Variants in CACNG5 observed in about 807,000 individuals in gnomAD.
The protein encoded by CACNG5 is calcium voltage-gated channel auxiliary subunit gamma 5.
Under a neutral mutation model 24.8 loss-of-function variants are expected in CACNG5, and 18 were observed. That is an observed-to-expected ratio of 0.73 (90% confidence interval 0.50 to 1.08). The LOEUF is 1.08. CACNG5 is among the 50% of genes least tolerant of loss of function. The probability of loss-of-function intolerance (pLI) is 0.00; values close to 1 mark genes in which losing one functional copy is unlikely to be tolerated. For missense variants in CACNG5, 349 were observed against 367.9 expected, an observed-to-expected ratio of 0.95 and a Z score of 0.42; for synonymous variants, 157 against 149.1, an observed-to-expected ratio of 1.05 and a Z score of -0.39.
In CACNG5 at chr17:66,855,389, C is replaced by T. The variant is rs1265191334; in HGVS notation, c.-104+20139C>T. On this transcript the variant is annotated intron_variant, in intron 1 of 5. Transcript: ENST00000533854. ...AGGCTCTTCAGGTCTCTGGGCCGCA[C>T]CACCATGTTCAACCGACAGGGGGCG... Among the ~76,000 whole-genome samples the T allele has an allele frequency of 2.0e-4, 30 of 152,234 alleles. 1 individual carries two copies. The highest frequency in any genetic ancestry group is 2.0e-3 in the Admixed American group (30 of 15,290).
chr17:66,850,959 T>C (rs1183256154), intron 1 of CACNG5, among the ~76,000 whole-genome samples: 1 of 152,142 alleles, frequency 6.6e-6, no homozygotes, highest in Non-Finnish European at 1.5e-5. Flanking sequence ...TGGATCCAGA[T>C]ATGTGCCATC....
rs954464713 is a variant in CACNG5 at position 66,835,143 on chromosome 17, T to C, written c.-211T>C. 6.6e-6 allele frequency: 1 copy of C among 152,108 alleles called. No homozygotes were observed. Among genetic ancestry groups the C allele is most frequent in the Admixed American group, 6.5e-5 (1 of 15,270 alleles). 9.4% of individuals were successfully genotyped at this position (152,108 alleles called of 1,614,324 possible). ...TTGGCGCCGAGCGGTTCCGGCTGAC[T>C]GGACGGGGCGGGCGTCCCGGGCAGC... On this transcript the variant is annotated 5_prime_UTR_variant, in exon 1 of 6. Coordinates refer to ENST00000533854, the MANE Select transcript of CACNG5 (RefSeq NM_145811.3).
rs1977373164 is a variant in CACNG5 at position 66,893,618 on chromosome 17, G to A, written c.*8378G>A. Among the ~76,000 whole-genome samples the A allele has an allele frequency of 2.0e-5, 3 of 152,190 alleles. No individual in the cohort carries two copies. Among genetic ancestry groups the A allele is most frequent in the South Asian group, 4.1e-4 (2 of 4,828 alleles). ...CTGGAGGAATTGGGCTCAGATCCTA[G>A]AGATGAGCTCATGTCAGACTCTGGC... is the stretch of plus-strand genomic sequence containing the variant. On this transcript the variant is annotated 3_prime_UTR_variant, in exon 6 of 6. Coordinates refer to ENST00000533854, the MANE Select transcript of CACNG5 (RefSeq NM_145811.3).
In CACNG5 at chr17:66,893,751, C is replaced by G. The variant is rs1302368719; in HGVS notation, c.*8511C>G. On this transcript the variant is annotated 3_prime_UTR_variant, in exon 6 of 6. Coordinates refer to ENST00000533854, the MANE Select transcript of CACNG5 (RefSeq NM_145811.3). ...CCCCCCCAACCCGGCATTCTGAAGC[C>G]CTTCAGCTGGAGAGGAGGAAGAGAT... is the stretch of plus-strand genomic sequence containing the variant. Among the ~76,000 whole-genome samples the G allele has an allele frequency of 6.6e-6, 1 of 151,804 alleles. No homozygotes were observed. Among genetic ancestry groups the G allele is most frequent in the African/African-American group, 2.4e-5 (1 of 41,296 alleles).
rs1311750535 is a variant in CACNG5, at chr17:66,893,422, G to C, written c.*8182G>C. On this transcript the variant is annotated 3_prime_UTR_variant, in exon 6 of 6. Coordinates refer to ENST00000533854, the MANE Select transcript of CACNG5 (RefSeq NM_145811.3). ...TGGAAATGGCTCCAGGAAAACTCTGGATTTTCCTAACTGTGGTCAGCCCGT... is the reference window on the plus strand; with the variant it reads ...TGGAAATGGCTCCAGGAAAACTCTGCATTTTCCTAACTGTGGTCAGCCCGT... Among the ~76,000 whole-genome samples the C allele has an allele frequency of 6.6e-6, 1 of 152,174 alleles. No individual in the cohort carries two copies. Among genetic ancestry groups the C allele is most frequent in the Non-Finnish European group, 1.5e-5 (1 of 68,044 alleles).
At chr17:66,881,165 G>C (rs1239602366) in intron 4 of CACNG5, among the ~76,000 whole-genome samples, 1 of 152,160 alleles carries the variant, frequency 6.6e-6, no homozygotes, top group East Asian at 1.9e-4. Context: ...AGGACCCTGG[G>C]CCCATTATTA....
intron 1 of CACNG5, among the ~76,000 whole-genome samples, chr17:66,876,313 C>T (rs1179191381): frequency 6.6e-6 from 1 of 152,216 alleles, no homozygotes; most frequent in Non-Finnish European, 1.5e-5. Context: ...TTTTTAGACA[C>T]TTCCTAGGTG....
At chr17:66,857,017 T>G (rs1361026099) in intron 1 of CACNG5, among the ~76,000 whole-genome samples, 1 of 151,868 alleles carries the variant, frequency 6.6e-6, no homozygotes, top group Non-Finnish European at 1.5e-5. Context: ...ACAAATAAAC[T>G]TATCAATAGA....
At chr17:66,870,682 T>C (rs959938095) in intron 1 of CACNG5, among the ~76,000 whole-genome samples, 29 of 152,072 alleles carry the variant, frequency 1.9e-4, no homozygotes, top group South Asian at 4.1e-4. Context: ...TGACCCAGCC[T>C]CAGAAGTCAC....
intron 4 of CACNG5, among the ~76,000 whole-genome samples, chr17:66,882,463 G>C (rs1387495589): frequency 3.9e-5 from 6 of 152,130 alleles, no homozygotes; most frequent in Admixed American, 3.9e-4. Context: ...CCTAGGGAGT[G>C]GGAGAGGAAT....
chr17:66,878,698 T>C (rs957267736), intron 2 of CACNG5, among the ~76,000 whole-genome samples: 1 of 152,138 alleles, frequency 6.6e-6, no homozygotes, highest in African/African-American at 2.4e-5. Flanking sequence ...CATGGAGAGT[T>C]TGCAATACCA....
Position 66,889,175 on chromosome 17 carries a change from G to A in CACNG5, c.*3935G>A, listed in dbSNP as rs1046450279. ...GGGGTTTCCCCATGTTGGCCACGTT[G>A]GTCTTGAACTCCTGACCTCAAGTGA... On this transcript the variant is annotated 3_prime_UTR_variant, in exon 6 of 6. Transcript: ENST00000533854. Among the ~76,000 whole-genome samples the A allele has an allele frequency of 6.6e-6, 1 of 152,162 alleles. No homozygotes were observed. Among genetic ancestry groups the A allele is most frequent in the African/African-American group, 2.4e-5 (1 of 41,448 alleles).
rs767478698 is a variant in CACNG5, at chr17:66,880,669, T to C, written c.396T>C (p.Phe132=). The change falls in exon 4 of 6, where the codon TTT becomes TTC. Residue 132 remains phenylalanine, a synonymous_variant. Coordinates refer to ENST00000533854, the MANE Select transcript of CACNG5 (RefSeq NM_145811.3). The part of the protein sequence containing the change: ...HIRPHRTILA[F]VSGIFFILSG... ...GTCCCCACCGGACGATACTGGCCTT[T>C]GTCTCTGGCATCTTCTTTATCCTCT... 27 of 1,614,104 alleles carry C rather than the reference T, an allele frequency of 1.7e-5. No homozygotes were observed. In the South Asian group the frequency reaches 2.9e-4, roughly 17 times the overall value.
intron 1 of CACNG5, among the ~76,000 whole-genome samples, chr17:66,860,738 T>C (rs1976842692): frequency 6.6e-6 from 1 of 152,192 alleles, no homozygotes; most frequent in African/African-American, 2.4e-5. Context: ...AAGATAATTA[T>C]GTAGATCAAG....
intron 2 of CACNG5, among the ~76,000 whole-genome samples, chr17:66,878,356 C>G (rs1335245717): frequency 6.6e-6 from 1 of 152,220 alleles, no homozygotes; most frequent in Non-Finnish European, 1.5e-5. Flanking sequence ...GTTTGGCTCT[C>G]CCAGCCTTTT....
At chr17:66,839,553 G>A (rs1215009904) in intron 1 of CACNG5, among the ~76,000 whole-genome samples, 2 of 151,904 alleles carry the variant, frequency 1.3e-5, no homozygotes, top group Non-Finnish European at 2.9e-5. Context: ...CCCCAGGAAG[G>A]GCCTCACTGC....
Position 66,891,800 on chromosome 17 carries a change from T to C in CACNG5, c.*6560T>C, listed in dbSNP as rs531867383. Among the ~76,000 whole-genome samples the C allele has an allele frequency of 1.4e-4, 22 of 152,288 alleles. No homozygotes were observed. The South Asian group carries it at 4.4e-3, about 30-fold the overall frequency. On this transcript the variant is annotated 3_prime_UTR_variant, in exon 6 of 6. Transcript: ENST00000533854. The stretch of plus-strand genomic sequence containing the variant: ...TAGCAACCACCTTTGAGAAACACGA[T>C]CTGCTGTACCATGACTGGCTTTGAC...
intron 1 of CACNG5, among the ~76,000 whole-genome samples, chr17:66,837,711 G>A (rs58422806): frequency 0.015 from 2,311 of 152,278 alleles, 65 homozygotes; most frequent in African/African-American, 0.053. Flanking sequence ...GAAGCTTTCA[G>A]GGCCTTGGAG....
At position 66,886,506 on chromosome 17, in the gene CACNG5, GC is replaced by G. The variant is rs974916102; in HGVS notation, c.*1272del. Among the ~76,000 whole-genome samples, 56 of 152,152 alleles carry G rather than the reference GC, an allele frequency of 3.7e-4. 1 individual carries two copies. Among genetic ancestry groups the G allele is most frequent in the Non-Finnish European group, 2.6e-4 (18 of 68,034 alleles). The stretch of plus-strand genomic sequence containing the variant: ...GTCCACAGAAGCCACTGCAAGCCAT[GC>G]CCCCCTTCAGCTCTCCAAGTGTCAG... On this transcript the variant is annotated 3_prime_UTR_variant, in exon 6 of 6. Coordinates refer to ENST00000533854, the MANE Select transcript of CACNG5 (RefSeq NM_145811.3).
Sources: gnomAD v4.1 joint callset for allele counts (sites outside exome capture counted in the v4.1 genomes callset) on GRCh38, gnomAD v4.1.1 for gene constraint, MANE v1.5 for transcripts, NCBI Gene and HGNC (gene_info 2026-07-23, HGNC 2026-07-21) for gene names.